DOCK2: variants seen among roughly 807,000 people sequenced by gnomAD.
DOCK2 encodes dedicator of cytokinesis protein 2.
In DOCK2, 87 loss-of-function variants were observed where a neutral mutation model predicts 248.9. The ratio of observed to expected loss-of-function variants is 0.35; its 90% CI spans 0.29 to 0.42. The LOEUF is 0.42. Ranked by LOEUF, DOCK2 falls within the 10% of genes least tolerant of loss-of-function variation. DOCK2 has a pLI of 1.00. For synonymous variants in DOCK2, 805 were observed against 821.6 expected (o/e 0.98, Z 0.35); for missense variants, 1,747 against 2,300.2 (o/e 0.76, Z 4.92).
At chr5:170,020,132 A>G (rs921032053) in intron 33 of DOCK2, among the ~76,000 whole-genome samples, 1 of 152,066 alleles carries the variant, frequency 6.6e-6, no homozygotes, top group African/African-American at 2.4e-5. Flanking sequence ...CTTCTGAAGA[A>G]TGTCTCAGCC....
Position 169,959,119 on chromosome 5 carries a change from ATGGTGG to A in DOCK2, c.2800-23948_2800-23943del, listed in dbSNP as rs1776977788. 2.0e-5 allele frequency among the ~76,000 whole-genome samples: 3 copies of A among 151,628 alleles called. No homozygotes were observed. In the South Asian group the frequency reaches 6.9e-4, roughly 35 times the overall value. ...TATAAAAAGCACAAACTGGCTGGGC[ATGGTGG>A]CTCATGCCTGTAATCCCAGCACTTT... On this transcript the variant is annotated intron_variant, in intron 27 of 51. Transcript: ENST00000520908.
intron 22 of DOCK2, among the ~76,000 whole-genome samples, chr5:169,735,884 C>T (rs1763010338): frequency 6.7e-6 from 1 of 150,228 alleles, no homozygotes; most frequent in African/African-American, 2.5e-5. Context: ...CTTCAGGAAA[C>T]TTACAAACAT....
intron 27 of DOCK2, among the ~76,000 whole-genome samples, chr5:169,963,226 G>A (rs17646824): frequency 0.062 from 9,475 of 152,254 alleles, 440 homozygotes; most frequent in Non-Finnish European, 0.087. Flanking sequence ...CACGTGGGGT[G>A]GGTATCAGTT....
In DOCK2 at chr5:169,978,391, G is replaced by T. The variant is rs1310855563; in HGVS notation, c.2800-4677G>T. ...GCTCTGTGTATGTGTGTGTGTGTGT[G>T]TGGGGGGGGGGGGGTGTAGGTGTGT... On this transcript the variant is annotated intron_variant, in intron 27 of 51. Transcript: ENST00000520908. Among the ~76,000 whole-genome samples, 25 of 45,170 alleles carry T rather than the reference G, an allele frequency of 5.5e-4. 1 individual carries two copies. Among genetic ancestry groups the T allele is most frequent in the African/African-American group, 1.7e-3 (25 of 15,138 alleles). The allele number at this position is 45,170 out of a possible 152,430, so 29.6% of individuals were successfully genotyped here. A position where few individuals can be genotyped will look rare whatever the true frequency, so the allele number is the denominator to read the frequency against.
At chr5:169,924,291 CAT>C (rs1482423679) in intron 27 of DOCK2, among the ~76,000 whole-genome samples, 1 of 152,152 alleles carries the variant, frequency 6.6e-6, no homozygotes, top group Non-Finnish European at 1.5e-5. Flanking sequence ...AAGCTTCAAA[CAT>C]ATATTTTCAA....
At position 169,702,867 on chromosome 5, in the gene DOCK2, C is replaced by T. The variant is rs900279769; in HGVS notation, c.1383+440C>T. ...GTGGAGGCTCAGGATGTGCTTAAAG[C>T]AGGCATTCTCAACACTTAATCTAAC... On this transcript the variant is annotated intron_variant, in intron 14 of 51. Coordinates refer to ENST00000520908, the MANE Select transcript of DOCK2 (RefSeq NM_004946.3). 5.3e-5 allele frequency among the ~76,000 whole-genome samples: 8 copies of T among 152,182 alleles called. No individual in the cohort carries two copies. The South Asian group carries it at 6.2e-4, about 12-fold the overall frequency.
intron 14 of DOCK2, among the ~76,000 whole-genome samples, chr5:169,707,887 T>TAAAGTA (rs1314148137): frequency 1.3e-5 from 2 of 152,254 alleles, no homozygotes; most frequent in African/African-American, 2.4e-5. Flanking sequence ...GGTTGTCACT[T>TAAAGTA]ACAGTAAGGC....
Position 169,735,942 on chromosome 5 carries a change from G to T in DOCK2, c.2268-11454G>T, listed in dbSNP as rs548907448. Among the ~76,000 whole-genome samples the T allele has an allele frequency of 2.0e-4, 30 of 151,662 alleles. 1 individual carries two copies. The highest frequency in any genetic ancestry group is 6.3e-4 in the African/African-American group (26 of 41,136). ...AGCATGCCTTAGCATGGCAGAGCAGGGGGGAGAGGGAGAGAGAGAGAGAGA... is the reference window on the plus strand; with the variant it reads ...AGCATGCCTTAGCATGGCAGAGCAGTGGGGAGAGGGAGAGAGAGAGAGAGA... On this transcript the variant is annotated intron_variant, in intron 22 of 51. Coordinates refer to ENST00000520908, the MANE Select transcript of DOCK2 (RefSeq NM_004946.3).
At chr5:169,800,817 A>C (rs924168429) in intron 25 of DOCK2, among the ~76,000 whole-genome samples, 1 of 152,126 alleles carries the variant, frequency 6.6e-6, no homozygotes, top group Admixed American at 6.5e-5. Flanking sequence ...AGAGACTCAG[A>C]ATCTTGGAGG....
chr5:169,702,321 T>G lies in DOCK2; in HGVS notation c.1277T>G (p.Ile426Ser). 6.2e-7 allele frequency: 1 copy of G among 1,613,880 alleles called. No individual in the cohort carries two copies. Among genetic ancestry groups the G allele is most frequent in the Non-Finnish European group, 8.5e-7 (1 of 1,179,810 alleles). Residue 426 changes from isoleucine (I) to serine (S), a missense_variant, in exon 14 of 52, where the codon ATC becomes AGC. Ile to Ser is a moderately radical substitution (Grantham distance 142, BLOSUM62 -2). Coordinates refer to ENST00000520908, the MANE Select transcript of DOCK2 (RefSeq NM_004946.3). ...GCCTCAGGGGATGTCAGGAACGACA[T>G]CTACATTACTCTCTTACAAGGTGAC... is the stretch of plus-strand genomic sequence containing the variant. ...IIMPGDVRND[I>S]YITLLQGDFD...
chr5:169,820,712 C>T (rs1308405675), intron 26 of DOCK2, among the ~76,000 whole-genome samples: 1 of 152,188 alleles, frequency 6.6e-6, no homozygotes, highest in East Asian at 1.9e-4. Context: ...ATCAGAGCAC[C>T]TCTTCTCCTC....
chr5:169,995,593 C>T (rs970058376), intron 29 of DOCK2, among the ~76,000 whole-genome samples: 3 of 152,168 alleles, frequency 2.0e-5, no homozygotes, highest in South Asian at 2.1e-4. Context: ...TGAGTAAAAA[C>T]GACAGGCTGT....
chr5:169,664,947 TC>T lies in DOCK2; in HGVS notation c.128-4340del, dbSNP rs1230693777. On this transcript the variant is annotated intron_variant, in intron 2 of 51. Coordinates refer to ENST00000520908, the MANE Select transcript of DOCK2 (RefSeq NM_004946.3). ...CATCACTCATATAAATATCAGCATA[TC>T]TATATATGTTTATATATAAATATCA... 5.2e-3 allele frequency among the ~76,000 whole-genome samples: 784 copies of T among 150,086 alleles called. 9 individuals carry two copies. Among genetic ancestry groups the T allele is most frequent in the African/African-American group, 0.017 (672 of 40,574 alleles).
intron 14 of DOCK2, 43 bp downstream of exon 14, chr5:169,702,470 G>C (rs371319911): frequency 1.2e-6 from 2 of 1,608,210 alleles, no homozygotes; most frequent in African/African-American, 2.7e-5. Context: ...GTCCGCCTTG[G>C]GGGCCTCTGC....
intron 22 of DOCK2, among the ~76,000 whole-genome samples, chr5:169,745,247 G>T (rs548575440): frequency 6.6e-6 from 1 of 152,298 alleles, no homozygotes; most frequent in African/African-American, 2.4e-5. Context: ...CAAGGACAGG[G>T]TACTCTGGTC....
chr5:169,774,863 G>T (rs970132074), intron 25 of DOCK2, among the ~76,000 whole-genome samples: 1 of 151,850 alleles, frequency 6.6e-6, no homozygotes, highest in Admixed American at 6.6e-5. Flanking sequence ...AGTGCCATCT[G>T]GTTAGTCATC....
intron 26 of DOCK2, among the ~76,000 whole-genome samples, chr5:169,822,897 G>T (rs1214548665): frequency 6.6e-6 from 1 of 151,268 alleles, no homozygotes; most frequent in Admixed American, 6.6e-5. Context: ...AGGAAAGGAG[G>T]GAAGAATCCA....
intron 23 of DOCK2, among the ~76,000 whole-genome samples, chr5:169,750,170 A>T (rs923956694): frequency 6.6e-6 from 1 of 152,246 alleles, no homozygotes; most frequent in Non-Finnish European, 1.5e-5. Flanking sequence ...TTGAGGTGCC[A>T]TGGAGAGAAG....
intron 46 of DOCK2, among the ~76,000 whole-genome samples, chr5:170,069,564 G>A (rs1039873863): frequency 5.3e-5 from 8 of 152,116 alleles, no homozygotes; most frequent in South Asian, 2.1e-4. Flanking sequence ...ACCTTCCCCC[G>A]ACACCCAGCA....
Sources: allele counts gnomAD v4.1 joint callset (sites outside exome capture counted in the v4.1 genomes callset), GRCh38; gene constraint gnomAD v4.1.1; transcripts MANE v1.5; gene names NCBI Gene and HGNC (gene_info 2026-07-23, HGNC 2026-07-21).